The following LEMD1 variants were observed in gnomAD, a reference collection of about 807,000 sequenced individuals.
The protein encoded by LEMD1 is LEM domain-containing protein 1.
Under a neutral mutation model 17.4 loss-of-function variants are expected in LEMD1, and 18 were observed. The ratio of observed to expected loss-of-function variants is 1.04; its 90% CI spans 0.72 to 1.54. LEMD1 has a LOEUF of 1.54. Among genes scored for constraint, LEMD1 ranks in the 40% most tolerant of loss-of-function variants. The pLI is 0.00. For synonymous variants in LEMD1, 88 were observed against 77.8 expected, an observed-to-expected ratio of 1.13 and a Z score of -0.69; for missense variants, 195 against 210.4, an observed-to-expected ratio of 0.93 and a Z score of 0.45.
intron 4 of LEMD1, among the ~76,000 whole-genome samples, chr1:205,399,912 C>T (rs766445709): frequency 3.9e-5 from 6 of 152,162 alleles, no homozygotes; most frequent in South Asian, 2.1e-4. Flanking sequence ...TCTCAATAGG[C>T]CATCACCACA....
At chr1:205,410,895 AAAGGAAGG>A (rs561458862) in intron 4 of LEMD1, among the ~76,000 whole-genome samples, 4 of 151,292 alleles carry the variant, frequency 2.6e-5, no homozygotes, top group African/African-American at 7.3e-5. Flanking sequence ...AAAAGAAAGC[AAAGGAAGG>A]AAGGAAGGAA....
At chr1:205,447,297 T>A (rs1158067891) in intron 1 of LEMD1, among the ~76,000 whole-genome samples, 1 of 152,104 alleles carries the variant, frequency 6.6e-6, no homozygotes, top group Non-Finnish European at 1.5e-5. Context: ...ATGAAATGGG[T>A]TAGTGCAGGT....
chr1:205,415,816 G>A (rs1302595651), intron 4 of LEMD1, among the ~76,000 whole-genome samples: 2 of 152,228 alleles, frequency 1.3e-5, no homozygotes, highest in Non-Finnish European at 2.9e-5. Context: ...TTGGCCGTGT[G>A]CTTCAATACG....
intron 4 of LEMD1, among the ~76,000 whole-genome samples, chr1:205,392,708 C>A (rs1664400630): frequency 6.6e-6 from 1 of 152,076 alleles, no homozygotes; most frequent in Non-Finnish European, 1.5e-5. Flanking sequence ...GTCTCAGGGT[C>A]TCATGAGACT....
rs113469873 is a variant in LEMD1 at position 205,394,864 on chromosome 1, G to A, written c.271-10500C>T. ...TAGCCGGGTGTGGTGACGTGCACCTGTAATCCCAACTACTCTGGAGGCTGA... is the reference window on the plus strand; with the variant it reads ...TAGCCGGGTGTGGTGACGTGCACCTATAATCCCAACTACTCTGGAGGCTGA... On this transcript the variant is annotated intron_variant, in intron 4 of 5. Transcript: ENST00000367153. Among the ~76,000 whole-genome samples, 168 of 151,192 alleles carry A rather than the reference G, an allele frequency of 1.1e-3. 2 individuals are homozygous for A. Among genetic ancestry groups the A allele is most frequent in the African/African-American group, 3.9e-3 (163 of 41,320 alleles).
intron 4 of LEMD1, among the ~76,000 whole-genome samples, chr1:205,408,000 G>A (rs1665200519): frequency 6.6e-6 from 1 of 152,166 alleles, no homozygotes; most frequent in Non-Finnish European, 1.5e-5. Flanking sequence ...CTTGAAAACT[G>A]TCAAGGGCAG....
Position 205,381,602 on chromosome 1 carries a change from G to T in LEMD1, c.*56C>A. On this transcript the variant is annotated 3_prime_UTR_variant, in exon 6 of 6. Transcript: ENST00000367153. ...GGCTGGCCCTTCAGGGTAGTGTTTT[G>T]GTTCTTTCCTGAAGCAGGAGGCCTC... 1 of 1,547,010 alleles carries T rather than the reference G, an allele frequency of 6.5e-7. No homozygotes were observed. The highest frequency in any genetic ancestry group is 8.9e-7 in the Non-Finnish European group (1 of 1,119,338).
Position 205,381,431 on chromosome 1 carries a change from A to G in LEMD1, c.*227T>C. On this transcript the variant is annotated 3_prime_UTR_variant, in exon 6 of 6. Transcript: ENST00000367153. ...GGAAGCACCTTTAATGAGAGTTGAC[A>G]TGACTTGGGGGATTTCCTAACCATC... 1 of 568,662 alleles carries G rather than the reference A, an allele frequency of 1.8e-6. No homozygotes were observed. Among genetic ancestry groups the G allele is most frequent in the South Asian group, 2.1e-5 (1 of 47,338 alleles). 35.2% of individuals were successfully genotyped at this position (568,662 alleles called of 1,614,324 possible). A position where few individuals can be genotyped will look rare whatever the true frequency, so the allele number is the denominator to read the frequency against.
upstream of LEMD1, among the ~76,000 whole-genome samples, chr1:205,422,449 T>C (rs780278131): frequency 8.5e-5 from 13 of 152,218 alleles, no homozygotes; most frequent in Non-Finnish European, 1.6e-4. Context: ...TGTATTAATT[T>C]GTTAAGGATT....
intron 1 of LEMD1, among the ~76,000 whole-genome samples, chr1:205,445,704 A>T (rs1396628142): frequency 6.6e-6 from 1 of 152,234 alleles, no homozygotes; most frequent in Non-Finnish European, 1.5e-5. Context: ...GCCTGCACTC[A>T]GTGTTTTCCA....
chr1:205,401,669 G>A (rs951381936), intron 4 of LEMD1, among the ~76,000 whole-genome samples: 3 of 152,076 alleles, frequency 2.0e-5, no homozygotes, highest in Non-Finnish European at 4.4e-5. Flanking sequence ...CTTTTGCTGT[G>A]GTAGTTTCTT....
chr1:205,424,016 G>A (rs985481525), upstream of LEMD1, among the ~76,000 whole-genome samples: 5 of 152,144 alleles, frequency 3.3e-5, no homozygotes, highest in African/African-American at 9.7e-5. Flanking sequence ...GGTTTGACGT[G>A]GGGCACAATT....
intron 1 of LEMD1, chr1:205,436,153 G>GA (rs749913374): frequency 6.6e-6 from 1 of 152,344 alleles, no homozygotes; most frequent in African/African-American, 2.4e-5. Context: ...GGAATGAGCT[G>GA]AAGGAGGAGA....
At chr1:205,426,308 C>A (rs181761179), upstream of LEMD1, among the ~76,000 whole-genome samples, 97 of 152,252 alleles carry the variant, frequency 6.4e-4, no homozygotes, top group African/African-American at 2.3e-3. Context: ...GTGGACAACC[C>A]ACAGGGATAG....
rs531016410 is a variant in LEMD1 at position 205,441,308 on chromosome 1, G to A, written c.-39+8560C>T. On this transcript the variant is annotated intron_variant, in intron 1 of 3. Coordinates refer to the LEMD1 transcript ENST00000367154. The surrounding 1 kb of genome is among the most constrained non-coding windows in gnomAD (Gnocchi z 4.3). The stretch of plus-strand genomic sequence containing the variant: ...ATTCCTCACATTGGAGACAGGGTGA[G>A]TCCAAGGGAGGAAAGAGAATGCCCA... 6.6e-6 allele frequency among the ~76,000 whole-genome samples: 1 copy of A among 152,316 alleles called. No homozygotes were observed. The highest frequency in any genetic ancestry group is 6.5e-5 in the Admixed American group (1 of 15,310).
chr1:205,424,905 T>C (rs1666035447), upstream of LEMD1, among the ~76,000 whole-genome samples: 1 of 152,210 alleles, frequency 6.6e-6, no homozygotes, highest in Non-Finnish European at 1.5e-5. Flanking sequence ...AGGAACAGTC[T>C]GGAGGCTACA....
At chr1:205,438,440 G>A (rs533943957) in intron 1 of LEMD1, among the ~76,000 whole-genome samples, 115 of 152,352 alleles carry the variant, frequency 7.5e-4, no homozygotes, top group African/African-American at 2.6e-3. Context: ...GGCCCAGGGC[G>A]CAGGGTCTGC....
At chr1:205,388,621 T>C (rs1664163194) in intron 4 of LEMD1, among the ~76,000 whole-genome samples, 1 of 152,256 alleles carries the variant, frequency 6.6e-6, no homozygotes, top group Admixed American at 6.5e-5. Context: ...ATAGCTATAA[T>C]TTAAACCCAG....
intron 4 of LEMD1, among the ~76,000 whole-genome samples, chr1:205,406,488 G>A (rs1426427374): frequency 1.3e-5 from 2 of 152,226 alleles, no homozygotes. Context: ...GCGAGACTCT[G>A]TGGGCGTAGG....
Sources: gnomAD v4.1 joint callset for allele counts (sites outside exome capture counted in the v4.1 genomes callset) on GRCh38, gnomAD v4.1.1 for gene constraint, Gnocchi (gnomAD v3.1) non-coding constraint, MANE v1.5 for transcripts, NCBI Gene and HGNC (gene_info 2026-07-23, HGNC 2026-07-21) for gene names.